The following PHF21A variants were observed in gnomAD, a reference collection of about 807,000 sequenced individuals.
The protein encoded by PHF21A is BHC80a.
PHF21A carries 11 observed loss-of-function variants against 82.5 expected under a neutral mutation model. The observed-to-expected ratio is 0.13, with a 90% CI of 0.08 to 0.22. The LOEUF (loss-of-function observed/expected upper bound fraction) is 0.22. PHF21A is among the 10% of genes least tolerant of loss of function. The pLI is 1.00. For missense variants in PHF21A, 579 were observed against 837.8 expected (o/e 0.69, Z 3.81); for synonymous variants, 297 against 302.8 (o/e 0.98, Z 0.20).
At chr11:46,112,178 G>GA (rs1389762059) in intron 1 of PHF21A, among the ~76,000 whole-genome samples, 2 of 152,152 alleles carry the variant, frequency 1.3e-5, no homozygotes, top group East Asian at 3.8e-4. Flanking sequence ...CACTTAGGGA[G>GA]AAACTGAGGT....
chr11:45,939,453 A>C (rs570784906), intron 15 of PHF21A, among the ~76,000 whole-genome samples: 2 of 152,362 alleles, frequency 1.3e-5, no homozygotes, highest in Admixed American at 6.5e-5. Flanking sequence ...GTCAGAAACA[A>C]ATTAAATTCA....
chr11:45,949,809 C>T (rs1042239533), intron 12 of PHF21A, among the ~76,000 whole-genome samples: 6 of 152,170 alleles, frequency 3.9e-5, no homozygotes, highest in African/African-American at 1.4e-4. Flanking sequence ...AACTGAGTAA[C>T]CAAAGTTCAT....
At chr11:46,033,175 C>T (rs994543794) in intron 6 of PHF21A, among the ~76,000 whole-genome samples, 1 of 152,150 alleles carries the variant, frequency 6.6e-6, no homozygotes, top group Non-Finnish European at 1.5e-5. Context: ...TTTTTAAAAA[C>T]TATAGTATGG....
chr11:46,104,595 GA>G (rs947325784), intron 1 of PHF21A, among the ~76,000 whole-genome samples: 7 of 151,840 alleles, frequency 4.6e-5, no homozygotes, highest in Admixed American at 2.0e-4. Context: ...TTTCAAGGGA[GA>G]AAAAAAACCT....
chr11:46,076,697 C>G, intron 6 of PHF21A, 57 bp downstream of exon 6: 1 of 1,354,444 alleles, frequency 7.4e-7, no homozygotes, highest in Non-Finnish European at 1.0e-6. Flanking sequence ...AAGCCTCGAG[C>G]AGACATATCT....
rs569678009 is a variant in PHF21A, at chr11:46,121,238, G to T, written c.-540C>A. ...CTTTCCTCCTCTTCCCCAGGCAAGG[G>T]GGGGTGGGGAGGAGGGGGTTGGGGG... On this transcript the variant is annotated 5_prime_UTR_variant, in exon 1 of 19. Coordinates refer to ENST00000676320, the MANE Select transcript of PHF21A (RefSeq NM_001352027.3). 4.6e-5 allele frequency: 7 copies of T among 151,748 alleles called. No individual in the cohort carries two copies. The highest frequency in any genetic ancestry group is 2.1e-4 in the South Asian group (1 of 4,774). The allele number at this position is 151,748 out of a possible 1,614,324, so 9.4% of individuals were successfully genotyped here. A position where few individuals can be genotyped will look rare whatever the true frequency, so the allele number is the denominator to read the frequency against.
intron 6 of PHF21A, among the ~76,000 whole-genome samples, chr11:46,005,185 A>C (rs2095264511): frequency 1.3e-5 from 2 of 152,198 alleles, no homozygotes; most frequent in Admixed American, 1.3e-4. Context: ...TCCAAAATCC[A>C]AAACTTTTTG....
intron 9 of PHF21A, among the ~76,000 whole-genome samples, chr11:45,966,578 A>G (rs1390432494): frequency 6.6e-6 from 1 of 152,158 alleles, no homozygotes; most frequent in Non-Finnish European, 1.5e-5. Flanking sequence ...CTGAGGTAAC[A>G]TACCTGATTT....
intron 1 of PHF21A, among the ~76,000 whole-genome samples, chr11:46,099,462 G>A (rs1176527885): frequency 1.3e-5 from 2 of 150,326 alleles, no homozygotes; most frequent in Non-Finnish European, 3.0e-5. Context: ...TCTCAATATA[G>A]CACTGCTGTA....
rs575775285 is a variant in PHF21A at position 45,953,066 on chromosome 11, G to A, written c.1095+461C>T. Among the ~76,000 whole-genome samples the A allele has an allele frequency of 9.2e-5, 14 of 152,176 alleles. No individual in the cohort carries two copies. In the East Asian group the frequency reaches 2.7e-3, roughly 29 times the overall value. On this transcript the variant is annotated intron_variant, in intron 11 of 18. Coordinates refer to ENST00000676320, the MANE Select transcript of PHF21A (RefSeq NM_001352027.3). ...GCTACTGATTCATTTGGGGTTTGGGGTTCTAATGTAATACAATGGTTGTAA... is the reference window on the plus strand; with the variant it reads ...GCTACTGATTCATTTGGGGTTTGGGATTCTAATGTAATACAATGGTTGTAA...
chr11:46,103,110 AT>A (rs1237980594), intron 1 of PHF21A, among the ~76,000 whole-genome samples: 1 of 152,234 alleles, frequency 6.6e-6, no homozygotes, highest in African/African-American at 2.4e-5. Context: ...CCCCCGTCAC[AT>A]ACAGCACCAC....
rs2097242685 is a variant in PHF21A, at chr11:46,113,227, C to T, written c.-237+7708G>A. 2.0e-5 allele frequency among the ~76,000 whole-genome samples: 3 copies of T among 152,212 alleles called. No individual in the cohort carries two copies. In the South Asian group the frequency reaches 6.2e-4, roughly 31 times the overall value. On this transcript the variant is annotated intron_variant, in intron 1 of 18. Transcript: ENST00000676320. ...TTGTAGTAAGTAAACCACGTTATCA[C>T]AGCAAGTTTCAAGAAAGTCTGAACT...
intron 7 of PHF21A, 35 bp from the exon 8 acceptor site, chr11:45,971,402 A>T: frequency 2.5e-6 from 4 of 1,569,276 alleles, no homozygotes; most frequent in Non-Finnish European, 3.5e-6. Context: ...TAGGACACTA[A>T]ATCTAAACTA....
At chr11:46,016,175 T>C (rs1235744083) in intron 6 of PHF21A, among the ~76,000 whole-genome samples, 1 of 152,216 alleles carries the variant, frequency 6.6e-6, no homozygotes, top group Admixed American at 6.5e-5. Flanking sequence ...ACTATAATCT[T>C]ATGGGACCAC....
chr11:46,116,461 A>G (rs1433299888), intron 1 of PHF21A: 1 of 152,170 alleles, frequency 6.6e-6, no homozygotes, highest in Non-Finnish European at 1.5e-5. Flanking sequence ...GAACTTACAT[A>G]CTCACTAAAA....
rs548400386 is a variant in PHF21A, at chr11:46,009,220, C to G, written c.154-29254G>C. 2.6e-5 allele frequency among the ~76,000 whole-genome samples: 4 copies of G among 152,144 alleles called. No homozygotes were observed. The East Asian group carries it at 7.7e-4, about 29-fold the overall frequency. On this transcript the variant is annotated intron_variant, in intron 6 of 18. Coordinates refer to ENST00000676320, the MANE Select transcript of PHF21A (RefSeq NM_001352027.3). ...AACTCCCGACCTCAGGTAATCTGCC[C>G]GCCTCGGTCTCCCAAAGTGCTGGGA...
rs923376471 is a variant in PHF21A, at chr11:46,079,368, T to G, written c.55-202A>C. Among the ~76,000 whole-genome samples the G allele has an allele frequency of 3.9e-5, 6 of 152,148 alleles. No individual in the cohort carries two copies. The East Asian group carries it at 7.7e-4, about 20-fold the overall frequency. Reference sequence around the variant, plus strand: ...TTAATAAAAAAATCAAACCACCACTTTATATTTGAAATGAAAAAGTGCCTG... The same window carrying G: ...TTAATAAAAAAATCAAACCACCACTGTATATTTGAAATGAAAAAGTGCCTG... On this transcript the variant is annotated intron_variant, in intron 4 of 18. Coordinates refer to ENST00000676320, the MANE Select transcript of PHF21A (RefSeq NM_001352027.3).
intron 11 of PHF21A, 68 bp from the exon 12 acceptor site, chr11:45,950,325 T>C: frequency 7.2e-7 from 1 of 1,380,518 alleles, no homozygotes; most frequent in Non-Finnish European, 1.0e-6. Flanking sequence ...TGCCAGTTCC[T>C]AGTAGGACAT....
chr11:46,066,520 A>G (rs1393999051), intron 6 of PHF21A, among the ~76,000 whole-genome samples: 1 of 152,094 alleles, frequency 6.6e-6, no homozygotes, highest in African/African-American at 2.4e-5. Context: ...CAACAAAATG[A>G]GAACCTGTTT....
Sources: gnomAD v4.1 joint callset for allele counts (sites outside exome capture counted in the v4.1 genomes callset) on GRCh38, gnomAD v4.1.1 for gene constraint, MANE v1.5 for transcripts, NCBI Gene and HGNC (gene_info 2026-07-23, HGNC 2026-07-21) for gene names.